The following ACTL6B variants were observed in gnomAD, a reference collection of about 807,000 sequenced individuals.
ACTL6B encodes the protein actin like 6B.
Under a neutral mutation model 63.3 loss-of-function variants are expected in ACTL6B, and 48 were observed. The observed-to-expected ratio is 0.76, with a 90% CI of 0.60 to 0.96. ACTL6B has a LOEUF of 0.96. Among genes scored for constraint, ACTL6B ranks in the 50% least tolerant of loss-of-function variants. ACTL6B has a pLI of 0.00. For missense variants in ACTL6B, 350 were observed against 572.2 expected (o/e 0.61, Z 3.96); for synonymous variants, 230 against 223.8 (o/e 1.03, Z -0.25).
intron 13 of ACTL6B, among the ~76,000 whole-genome samples, chr7:100,645,213 T>C (rs547605416): frequency 6.6e-6 from 1 of 152,268 alleles, no homozygotes; most frequent in African/African-American, 2.4e-5. Flanking sequence ...TTGTCTGTCA[T>C]GGCCCCACTG....
chr7:100,648,445 A>C lies in ACTL6B; in HGVS notation c.669+111T>G. On this transcript the variant is annotated intron_variant, in intron 7 of 13. Transcript: ENST00000160382. The surrounding 1 kb of genome is among the most constrained non-coding windows in gnomAD (Gnocchi z 4.4). ...AAAGGAGGAACTGGAGCCAGGACCC[A>C]CTGGGGAGCCTGCTGCTCTCTGCTC... 1 of 949,884 alleles carries C rather than the reference A, an allele frequency of 1.1e-6. No homozygotes were observed. The highest frequency in any genetic ancestry group is 1.5e-6 in the Non-Finnish European group (1 of 653,504). 58.8% of individuals were successfully genotyped at this position (949,884 alleles called of 1,614,324 possible).
Position 100,648,554 on chromosome 7 carries a change from A to C in ACTL6B, c.669+2T>G. The stretch of plus-strand genomic sequence containing the variant: ...GCAGCTCCATGTCCCCAGAGGCCCC[A>C]CCTTGGCTGCGATCATGTAAGGTGG... On this transcript the variant is annotated splice_donor_variant, in intron 7 of 13. Transcript: ENST00000160382. LOFTEE classifies it high-confidence loss of function. This position sits in a 1 kb window ranked among gnomAD's most constrained non-coding sequence, Gnocchi z 4.4. 1.4e-5 allele frequency: 22 copies of C among 1,596,070 alleles called. No individual in the cohort carries two copies. Among genetic ancestry groups the C allele is most frequent in the Non-Finnish European group, 1.9e-5 (22 of 1,170,218 alleles).
intron 4 of ACTL6B, among the ~76,000 whole-genome samples, chr7:100,651,525 G>A (rs1178201842): frequency 6.6e-6 from 1 of 151,528 alleles, no homozygotes; most frequent in Non-Finnish European, 1.5e-5. Flanking sequence ...ACTCCAGCCT[G>A]GGGGACAAGA....
chr7:100,654,932 G>C (rs1347782911), intron 4 of ACTL6B, 87 bp downstream of exon 4: 12 of 1,146,568 alleles, frequency 1.0e-5, no homozygotes. Context: ...CAGAGCAGTG[G>C]CTTGAGGGGA....
Position 100,655,241 on chromosome 7 carries a change from G to A in ACTL6B, c.269-122C>T. On this transcript the variant is annotated intron_variant, in intron 3 of 13. Transcript: ENST00000160382. The surrounding 1 kb of genome is among the most constrained non-coding windows in gnomAD (Gnocchi z 4.4). ...TCAGTGAGTCCAGCTCCAGGGGAACGCCCCCCTTCCCAGAAACCTGGTGGG... is the reference window on the plus strand; with the variant it reads ...TCAGTGAGTCCAGCTCCAGGGGAACACCCCCCTTCCCAGAAACCTGGTGGG... The A allele has an allele frequency of 8.6e-7, 1 of 1,166,966 alleles. No homozygotes were observed. Among genetic ancestry groups the A allele is most frequent in the South Asian group, 1.4e-5 (1 of 72,790 alleles). The allele number at this position is 1,166,966 out of a possible 1,614,324, so 72.3% of individuals were successfully genotyped here.
chr7:100,650,412 C>T (rs1464147860), intron 4 of ACTL6B, among the ~76,000 whole-genome samples: 1 of 151,820 alleles, frequency 6.6e-6, no homozygotes, highest in East Asian at 1.9e-4. Context: ...ACTATACATA[C>T]ACTCACGGTC....
intron 1 of ACTL6B, 76 bp downstream of exon 1, chr7:100,656,254 G>C (rs896906651): frequency 9.9e-5 from 134 of 1,356,378 alleles, no homozygotes; most frequent in Non-Finnish European, 1.2e-4. Flanking sequence ...CAGGCCCCGG[G>C]GTGCCCAGAG....
rs1803849280 is a variant in ACTL6B, at chr7:100,647,592, T to C, written c.670-59A>G. The C allele has an allele frequency of 5.7e-6, 7 of 1,232,890 alleles. No individual in the cohort carries two copies. Among genetic ancestry groups the C allele is most frequent in the Non-Finnish European group, 7.9e-6 (7 of 884,470 alleles). The allele number at this position is 1,232,890 out of a possible 1,614,324, so 76.4% of individuals were successfully genotyped here. ...AGCCCACCTGACCCCCACCCCCACCTTCCTGGCACTGTTCCCAGCTCTGCA... is the reference window on the plus strand; with the variant it reads ...AGCCCACCTGACCCCCACCCCCACCCTCCTGGCACTGTTCCCAGCTCTGCA... On this transcript the variant is annotated intron_variant, in intron 7 of 13. Coordinates refer to ENST00000160382, the MANE Select transcript of ACTL6B (RefSeq NM_016188.5). This position sits in a 1 kb window ranked among gnomAD's most constrained non-coding sequence, Gnocchi z 4.4.
chr7:100,656,030 G>A, intron 1 of ACTL6B, 151 bp from the exon 2 acceptor site: 1 of 846,262 alleles, frequency 1.2e-6, no homozygotes, highest in Non-Finnish European at 1.8e-6. Flanking sequence ...CGAGGTCCTG[G>A]GACTGGGGGT....
chr7:100,645,683 G>A (rs534472327), intron 13 of ACTL6B, among the ~76,000 whole-genome samples: 1 of 151,382 alleles, frequency 6.6e-6, no homozygotes, highest in East Asian at 1.9e-4. Context: ...CCAGGCTGGA[G>A]TGCAGTGGCA....
rs1030777070 is a variant in ACTL6B at position 100,646,558 on chromosome 7, G to A, written c.1106C>T (p.Thr369Ile). 1.2e-6 allele frequency: 2 copies of A among 1,613,900 alleles called. No individual in the cohort carries two copies. Among genetic ancestry groups the A allele is most frequent in the African/African-American group, 1.3e-5 (1 of 74,910 alleles). The change falls in exon 12 of 14, where the codon ACC becomes ATC. Residue 369 changes from threonine to isoleucine, a missense_variant. Thr to Ile is a moderately conservative substitution (Grantham distance 89). Coordinates refer to ENST00000160382, the MANE Select transcript of ACTL6B (RefSeq NM_016188.5). This position sits in a 1 kb window ranked among gnomAD's most constrained non-coding sequence, Gnocchi z 6.1. ...DRLNRELSQKTPPSMRLKLIA... is the reference protein window; with the variant it reads ...DRLNRELSQKIPPSMRLKLIA... The stretch of plus-strand genomic sequence containing the variant: ...TCAGGGGTGGGCTCCTACCGGTGGG[G>A]TCTTCTGGGAAAGCTCTCGATTGAG...
At chr7:100,644,225 T>C (rs1402010730) in intron 13 of ACTL6B, among the ~76,000 whole-genome samples, 1 of 152,130 alleles carries the variant, frequency 6.6e-6, no homozygotes, top group Non-Finnish European at 1.5e-5. Flanking sequence ...GTAGAGATGG[T>C]GTCTCACTAT....
intron 5 of ACTL6B, among the ~76,000 whole-genome samples, chr7:100,649,698 ACAGT>A (rs964234269): frequency 6.6e-6 from 1 of 152,172 alleles, no homozygotes; most frequent in African/African-American, 2.4e-5. Flanking sequence ...GATCCTAAAA[ACAGT>A]CAGTGTTGAA....
Position 100,646,616 on chromosome 7 carries a change from C to T in ACTL6B, c.1048G>A (p.Gly350Arg). 4.3e-6 allele frequency: 7 copies of T among 1,614,056 alleles called. No homozygotes were observed. Among genetic ancestry groups the T allele is most frequent in the Non-Finnish European group, 5.1e-6 (6 of 1,179,998 alleles). ...GLYGSVIVTG[G>R]NTLLQGFTDR... ...GTGAAGCCCTGCAGCAGTGTGTTCC[C>T]GCCGGTGACAATGACACTCCCGTAC... The change falls in exon 12 of 14, where the codon GGG becomes AGG. Residue 350 changes from glycine to arginine, a missense_variant. Around this residue, in one of 3 missense-constraint regions of ACTL6B, gnomAD observed 76 missense variants for 126.1 expected, o/e 0.60. Transcript: ENST00000160382. This position sits in a 1 kb window ranked among gnomAD's most constrained non-coding sequence, Gnocchi z 6.1.
At chr7:100,652,371 G>A (rs1259734212) in intron 4 of ACTL6B, among the ~76,000 whole-genome samples, 2 of 149,340 alleles carry the variant, frequency 1.3e-5, no homozygotes, top group Non-Finnish European at 3.0e-5. Flanking sequence ...TCAGTGAGCC[G>A]AGATCGCACC....
rs1227314444 is a variant in ACTL6B, at chr7:100,655,485, G to A, written c.204C>T (p.Asp68=). 3.7e-6 allele frequency: 6 copies of A among 1,614,064 alleles called. No homozygotes were observed. The highest frequency in any genetic ancestry group is 1.1e-5 in the South Asian group (1 of 91,080). ...KEKKGKIFHI[D]TNALHVPRDG... ...CCCGAGGCACGTGCAGGGCATTGGTGTCGATGTGGAAGATCTTCCCTTTCT... is the reference window on the plus strand; with the variant it reads ...CCCGAGGCACGTGCAGGGCATTGGTATCGATGTGGAAGATCTTCCCTTTCT... The change falls in exon 3 of 14, where the codon GAC becomes GAT. Residue 68 remains aspartate, a synonymous_variant. Coordinates refer to ENST00000160382, the MANE Select transcript of ACTL6B (RefSeq NM_016188.5). This position sits in a 1 kb window ranked among gnomAD's most constrained non-coding sequence, Gnocchi z 4.4.
chr7:100,643,436 A>T, intron 13 of ACTL6B, 110 bp from the exon 14 acceptor site: 1 of 1,091,604 alleles, frequency 9.2e-7, no homozygotes, highest in African/African-American at 1.5e-5. Context: ...CCTTGGGTTC[A>T]CATCCCTCTG....
rs1281412746 is a variant in ACTL6B, at chr7:100,650,079, G to T, written c.426C>A (p.Asn142Lys). The part of the protein sequence containing the change: ...KLTELMFEQY[N>K]IPAFFLCKTA... ...TCTTGCATAAGAAGAAGGCAGGAATGTTGTACTGCTCGAACATCAGCTCTG... is the reference window on the plus strand; with the variant it reads ...TCTTGCATAAGAAGAAGGCAGGAATTTTGTACTGCTCGAACATCAGCTCTG... Residue 142 changes from asparagine to lysine, a missense_variant, in exon 5 of 14, where the codon AAC becomes AAA. Physicochemically the swap from Asn to Lys is moderately conservative, Grantham distance 94. Transcript: ENST00000160382. The T allele has an allele frequency of 6.2e-7, 1 of 1,614,006 alleles. No individual in the cohort carries two copies. The highest frequency in any genetic ancestry group is 8.5e-7 in the Non-Finnish European group (1 of 1,180,004).
In ACTL6B at chr7:100,646,173, A is replaced by G. The variant is rs1803817618; in HGVS notation, c.1200+76T>C. The G allele has an allele frequency of 2.5e-6, 3 of 1,219,614 alleles. No individual in the cohort carries two copies. Among genetic ancestry groups the G allele is most frequent in the Admixed American group, 1.9e-5 (1 of 53,424 alleles). The allele number at this position is 1,219,614 out of a possible 1,614,324, so 75.5% of individuals were successfully genotyped here. The stretch of plus-strand genomic sequence containing the variant: ...TGAATGAATGAATGAACGAAGAGGC[A>G]GTCAAAGTGGCGGGCACTGTCTGGG... On this transcript the variant is annotated intron_variant, in intron 13 of 13. Transcript: ENST00000160382. The surrounding 1 kb of genome is among the most constrained non-coding windows in gnomAD (Gnocchi z 6.1).
Sources: gnomAD v4.1 joint callset for allele counts (sites outside exome capture counted in the v4.1 genomes callset) on GRCh38, gnomAD v4.1.1 for gene constraint, gnomAD v4.1.1 regional missense constraint, Gnocchi (gnomAD v3.1) non-coding constraint, MANE v1.5 for transcripts, NCBI Gene and HGNC (gene_info 2026-07-23, HGNC 2026-07-21) for gene names.